NMBR: variants seen among roughly 807,000 people sequenced by gnomAD.
NMBR encodes neuromedin B receptor.
A neutral mutation model predicts 20.5 loss-of-function variants in NMBR; 16 were observed. The observed-to-expected ratio is 0.78, with a 90% CI of 0.53 to 1.19. The LOEUF (loss-of-function observed/expected upper bound fraction) is 1.19. Ranked by LOEUF, NMBR falls within the 50% of genes most tolerant of loss-of-function variation. The pLI, the probability that NMBR is intolerant of heterozygous loss-of-function variation, is 0.00. For synonymous variants in NMBR, 212 were observed against 196.6 expected (o/e 1.08, Z -0.65); for missense variants, 582 against 499.1 (o/e 1.17, Z -1.58).
In NMBR at chr6:142,088,307, G is replaced by T. The variant is rs766898572; in HGVS notation, c.352C>A (p.Leu118Met). The change falls in exon 2 of 4, where the codon CTG (leucine) becomes ATG (methionine). Residue 118 changes from leucine to methionine, a missense_variant. Physicochemically the swap from Leu to Met is conservative, Grantham distance 15. Transcript: ENST00000258042. The stretch of plus-strand genomic sequence containing the variant: ...GAAGTGAGCTGGATGACAGGGATCA[G>T]TTTGCAGCCCACCTTGCCAAACATC... The part of the protein sequence containing the change: ...EWMFGKVGCK[L>M]IPVIQLTSVG... The T allele has an allele frequency of 6.2e-7, 1 of 1,614,102 alleles. No individual in the cohort carries two copies. Among genetic ancestry groups the T allele is most frequent in the African/African-American group, 1.3e-5 (1 of 75,056 alleles).
chr6:142,113,349 T>C (rs1326119496), intron 1 of NMBR, among the ~76,000 whole-genome samples: 1 of 152,136 alleles, frequency 6.6e-6, no homozygotes, highest in Non-Finnish European at 1.5e-5. Context: ...AAAAATAAAG[T>C]TGGTGATTCA....
At chr6:142,117,053 T>A (rs1313591397) in intron 1 of NMBR, among the ~76,000 whole-genome samples, 1 of 151,992 alleles carries the variant, frequency 6.6e-6, no homozygotes, top group African/African-American at 2.4e-5. Flanking sequence ...CCCAATAACA[T>A]AAATAATAGG....
At chr6:142,145,519 T>C (rs745916698) in intron 1 of NMBR, among the ~76,000 whole-genome samples, 12 of 152,236 alleles carry the variant, frequency 7.9e-5, no homozygotes, top group Non-Finnish European at 1.5e-4. Flanking sequence ...CTCATAGGGT[T>C]GTGGTGCAAA....
chr6:142,122,467 G>A (rs189715201), intron 1 of NMBR, among the ~76,000 whole-genome samples: 55 of 152,028 alleles, frequency 3.6e-4, no homozygotes, highest in African/African-American at 1.3e-3. Flanking sequence ...AGCAAGTTAT[G>A]CAGAAGATCT....
intron 1 of NMBR, among the ~76,000 whole-genome samples, chr6:142,098,190 C>T (rs918926220): frequency 6.6e-6 from 1 of 152,056 alleles, no homozygotes; most frequent in Non-Finnish European, 1.5e-5. Context: ...ATCCAAGAGG[C>T]TCAGCAAACC....
At chr6:142,098,268 G>C (rs987259221) in intron 1 of NMBR, among the ~76,000 whole-genome samples, 5 of 152,048 alleles carry the variant, frequency 3.3e-5, no homozygotes, top group African/African-American at 1.2e-4. Context: ...GCTAACATCG[G>C]GGATGAAGAA....
chr6:142,102,234 CA>C (rs1217201389), intron 1 of NMBR, among the ~76,000 whole-genome samples: 3 of 151,756 alleles, frequency 2.0e-5, no homozygotes, highest in Admixed American at 2.0e-4. Flanking sequence ...TAAAAAAATA[CA>C]AAAAATTAGC....
At chr6:142,120,914 T>C (rs2114597762) in intron 1 of NMBR, among the ~76,000 whole-genome samples, 1 of 152,098 alleles carries the variant, frequency 6.6e-6, no homozygotes, top group Admixed American at 6.6e-5. Context: ...TTTCATTTTA[T>C]TGTCCTTTGC....
chr6:142,109,878 C>A (rs1777729644), intron 1 of NMBR, among the ~76,000 whole-genome samples: 1 of 152,036 alleles, frequency 6.6e-6, no homozygotes, highest in Non-Finnish European at 1.5e-5. Context: ...TGTAAGGATG[C>A]CGCAAAATGG....
At chr6:142,096,619 G>A (rs1202974388) in intron 1 of NMBR, among the ~76,000 whole-genome samples, 1 of 151,850 alleles carries the variant, frequency 6.6e-6, no homozygotes, top group African/African-American at 2.4e-5. Flanking sequence ...GAATAGGTGT[G>A]GTGTGGTGCT....
chr6:142,102,997 G>A lies in NMBR; in HGVS notation c.-663-13676C>T, dbSNP rs141925839. Among the ~76,000 whole-genome samples, 484 of 152,274 alleles carry A rather than the reference G, an allele frequency of 3.2e-3. 3 individuals are homozygous for A. Among genetic ancestry groups the A allele is most frequent in the African/African-American group, 0.011 (471 of 41,538 alleles). ...TATCAAAGATGCCATCTGCTTCTGG[G>A]GAGGAACTTCCTTGGTTAGCTTTAC... On this transcript the variant is annotated intron_variant, in intron 1 of 3. Transcript: ENST00000258042.
intron 1 of NMBR, among the ~76,000 whole-genome samples, chr6:142,128,183 T>C (rs971194975): frequency 3.3e-5 from 5 of 152,062 alleles, no homozygotes; most frequent in Non-Finnish European, 2.9e-5. Context: ...CCTCCTACTC[T>C]GGCTGTACAA....
chr6:142,143,407 C>T (rs1017570709), intron 1 of NMBR, among the ~76,000 whole-genome samples: 11 of 152,306 alleles, frequency 7.2e-5, no homozygotes, highest in Admixed American at 2.0e-4. Flanking sequence ...GCCTCAGTAT[C>T]CCAAGTAGCT....
At chr6:142,140,292 A>G (rs1249809765) in intron 1 of NMBR, among the ~76,000 whole-genome samples, 1 of 152,136 alleles carries the variant, frequency 6.6e-6, no homozygotes, top group Non-Finnish European at 1.5e-5. Context: ...CAAGTGTAGA[A>G]GTATACTATT....
Position 142,136,977 on chromosome 6 carries a change from G to T in NMBR, c.-664+10067C>A, listed in dbSNP as rs186293476. Among the ~76,000 whole-genome samples, 573 of 152,158 alleles carry T rather than the reference G, an allele frequency of 3.8e-3. 3 individuals are homozygous for T. Among genetic ancestry groups the T allele is most frequent in the African/African-American group, 0.012 (496 of 41,504 alleles). ...TGGCTTAGGATTGACTTGGTGATGT[G>T]GGCTCTTTTTTGGTTCCATATGAAT... On this transcript the variant is annotated intron_variant, in intron 1 of 3. Coordinates refer to ENST00000258042, the MANE Select transcript of NMBR (RefSeq NM_002511.4).
At chr6:142,131,701 G>A (rs1778146015) in intron 1 of NMBR, among the ~76,000 whole-genome samples, 1 of 152,166 alleles carries the variant, frequency 6.6e-6, no homozygotes, top group South Asian at 2.1e-4. Flanking sequence ...ATCAGAACAT[G>A]TAAGAGAAAG....
At chr6:142,082,681 G>A (rs1777122650) in intron 2 of NMBR, among the ~76,000 whole-genome samples, 1 of 152,144 alleles carries the variant, frequency 6.6e-6, no homozygotes, top group African/African-American at 2.4e-5. Context: ...CAGGCTTCCT[G>A]CAAGGTGCAG....
At chr6:142,126,173 C>T (rs1331128406) in intron 1 of NMBR, among the ~76,000 whole-genome samples, 1 of 151,250 alleles carries the variant, frequency 6.6e-6, no homozygotes, top group Non-Finnish European at 1.5e-5. Flanking sequence ...GGCTTATTTC[C>T]CGTCAACATA....
chr6:142,141,180 A>G (rs1270793425), intron 1 of NMBR, among the ~76,000 whole-genome samples: 1 of 152,180 alleles, frequency 6.6e-6, no homozygotes. Flanking sequence ...TTGCTGGCCC[A>G]TAAGAAAGTC....
Sources: allele counts gnomAD v4.1 joint callset (sites outside exome capture counted in the v4.1 genomes callset), GRCh38; gene constraint gnomAD v4.1.1; transcripts MANE v1.5; gene names NCBI Gene and HGNC (gene_info 2026-07-23, HGNC 2026-07-21).